The following DPP10 variants were observed in gnomAD, a reference collection of about 807,000 sequenced individuals.
DPP10 encodes the protein dipeptidyl peptidase like 10.
A neutral mutation model predicts 120.9 loss-of-function variants in DPP10; 33 were observed. The ratio of observed to expected loss-of-function variants is 0.27; its 90% CI spans 0.21 to 0.37. DPP10 has a LOEUF of 0.37. DPP10 is among the 10% of genes least tolerant of loss of function. DPP10 has a pLI of 1.00. For synonymous variants in DPP10, 337 were observed against 326.1 expected (o/e 1.03, Z -0.36); for missense variants, 816 against 942.8 (o/e 0.87, Z 1.76).
chr2:115,629,595 G>T (rs1381733708), intron 5 of DPP10, among the ~76,000 whole-genome samples: 4 of 151,944 alleles, frequency 2.6e-5, no homozygotes, highest in Admixed American at 1.3e-4. Flanking sequence ...TGTGTTTTTT[G>T]GCTGCATAAA....
chr2:114,745,185 C>A (rs1023028498), intron 1 of DPP10, among the ~76,000 whole-genome samples: 1 of 152,094 alleles, frequency 6.6e-6, no homozygotes, highest in African/African-American at 2.4e-5. Context: ...CTTGTTATTC[C>A]TTTTGAAGTG....
chr2:115,108,282 G>A (rs190553460), intron 1 of DPP10, among the ~76,000 whole-genome samples: 5 of 152,304 alleles, frequency 3.3e-5, no homozygotes. Context: ...AAACTCAGAT[G>A]CCAGCAGAGG....
At chr2:114,908,073 ATATT>A (rs1410632188) in intron 1 of DPP10, among the ~76,000 whole-genome samples, 1 of 151,848 alleles carries the variant, frequency 6.6e-6, no homozygotes, top group Non-Finnish European at 1.5e-5. Context: ...ATCTCTGGTA[ATATT>A]TATTTTTTGT....
intron 1 of DPP10, among the ~76,000 whole-genome samples, chr2:114,649,599 G>A (rs1421693259): frequency 4.0e-5 from 6 of 151,796 alleles, no homozygotes; most frequent in South Asian, 2.1e-4. Flanking sequence ...TGATCGGCCC[G>A]CCTCGGCCTC....
intron 3 of DPP10, among the ~76,000 whole-genome samples, chr2:115,481,820 C>T (rs1396340541): frequency 1.3e-5 from 2 of 151,960 alleles, no homozygotes; most frequent in African/African-American, 4.8e-5. Flanking sequence ...ATGAACATAT[C>T]ACCTGCATAT....
At chr2:115,377,559 A>T (rs1218432082) in intron 3 of DPP10, among the ~76,000 whole-genome samples, 1 of 152,140 alleles carries the variant, frequency 6.6e-6, no homozygotes, top group Non-Finnish European at 1.5e-5. Context: ...TAGTTTAATT[A>T]GATCCCATTT....
At chr2:114,979,000 A>G (rs1178921728) in intron 1 of DPP10, among the ~76,000 whole-genome samples, 2 of 152,128 alleles carry the variant, frequency 1.3e-5, no homozygotes, top group East Asian at 3.9e-4. Context: ...AATACAGAGA[A>G]AGACATAGCC....
chr2:115,414,369 G>A (rs530726981), intron 3 of DPP10, among the ~76,000 whole-genome samples: 19 of 152,116 alleles, frequency 1.2e-4, no homozygotes, highest in South Asian at 1.2e-3. Flanking sequence ...GCTAGTTTCC[G>A]CCATGCTCTG....
At chr2:115,414,831 A>G (rs1223297611) in intron 3 of DPP10, among the ~76,000 whole-genome samples, 1 of 152,224 alleles carries the variant, frequency 6.6e-6, no homozygotes, top group African/African-American at 2.4e-5. Flanking sequence ...CCAACTGCAG[A>G]GCCACTATTT....
chr2:115,722,473 C>T (rs138495164), intron 7 of DPP10, among the ~76,000 whole-genome samples: 2 of 151,740 alleles, frequency 1.3e-5, no homozygotes, highest in African/African-American at 2.4e-5. Context: ...GCAATTTTGT[C>T]GTTGTGCAAA....
chr2:115,758,875 G>A (rs1048730600), intron 11 of DPP10, among the ~76,000 whole-genome samples: 1 of 152,022 alleles, frequency 6.6e-6, no homozygotes, highest in African/African-American at 2.4e-5. Flanking sequence ...TTGGCATCCC[G>A]ATTGGATAAA....
chr2:115,635,534 C>T (rs2086256424), intron 5 of DPP10, among the ~76,000 whole-genome samples: 2 of 152,278 alleles, frequency 1.3e-5, no homozygotes, highest in South Asian at 2.1e-4. Flanking sequence ...CTACTCAGTC[C>T]CATTAAGAAG....
chr2:115,372,364 T>C (rs1409424361), intron 3 of DPP10, among the ~76,000 whole-genome samples: 2 of 151,474 alleles, frequency 1.3e-5, no homozygotes, highest in East Asian at 3.9e-4. Flanking sequence ...TGAGCATCTC[T>C]TAAGAGAGTG....
intron 4 of DPP10, 37 bp downstream of exon 4, chr2:115,499,641 G>A: frequency 1.3e-6 from 2 of 1,502,054 alleles, no homozygotes; most frequent in Non-Finnish European, 1.8e-6. Context: ...ATGCATTTCA[G>A]TACTGTTTAG....
At chr2:115,195,307 A>C (rs1431001150) in intron 1 of DPP10, among the ~76,000 whole-genome samples, 6 of 152,184 alleles carry the variant, frequency 3.9e-5, no homozygotes, top group African/African-American at 1.2e-4. Flanking sequence ...ATGTTTAAGC[A>C]TGATAATATA....
chr2:115,461,064 G>A (rs995442884), intron 3 of DPP10, among the ~76,000 whole-genome samples: 18 of 152,100 alleles, frequency 1.2e-4, no homozygotes, highest in Non-Finnish European at 1.5e-4. Flanking sequence ...AATTTAAAAA[G>A]TTGTTATTTA....
intron 24 of DPP10, among the ~76,000 whole-genome samples, chr2:115,840,415 C>G (rs554905000): frequency 6.7e-6 from 1 of 148,970 alleles, no homozygotes; most frequent in South Asian, 2.1e-4. Flanking sequence ...GCTCCCCACT[C>G]CCGGGTTCAC....
At chr2:114,577,971 T>C (rs966608798) in intron 1 of DPP10, among the ~76,000 whole-genome samples, 3 of 152,230 alleles carry the variant, frequency 2.0e-5, no homozygotes, top group Admixed American at 2.0e-4. Context: ...GTAACAACTC[T>C]AATTCCAGGT....
In DPP10 at chr2:115,842,998, A is replaced by G. The variant is rs1385147772; in HGVS notation, c.*653A>G. On this transcript the variant is annotated 3_prime_UTR_variant, in exon 26 of 26. Transcript: ENST00000410059. ...CACACGAGTGTATGTCTCACAATAT[A>G]TATACACAAGTGTGCATATACAGTT... 2 of 152,684 alleles carry G rather than the reference A, an allele frequency of 1.3e-5. No individual in the cohort carries two copies. The highest frequency in any genetic ancestry group is 4.1e-4 in the South Asian group (2 of 4,830). The allele number at this position is 152,684 out of a possible 1,614,324, so 9.5% of individuals were successfully genotyped here.
Sources: allele counts gnomAD v4.1 joint callset (sites outside exome capture counted in the v4.1 genomes callset), GRCh38; gene constraint gnomAD v4.1.1; transcripts MANE v1.5; gene names NCBI Gene and HGNC (gene_info 2026-07-23, HGNC 2026-07-21).